The following NAP1L1 variants were observed in gnomAD, a reference collection of about 807,000 sequenced individuals.
NAP1L1 encodes nucleosome assembly protein 1-like 1.
NAP1L1 carries 9 observed loss-of-function variants against 58.9 expected under a neutral mutation model. The observed-to-expected ratio is 0.15, with a 90% confidence interval of 0.09 to 0.27. The LOEUF (loss-of-function observed/expected upper bound fraction) is 0.27. Ranked by LOEUF, NAP1L1 falls within the 10% of genes least tolerant of loss-of-function variation. The pLI is 1.00. For synonymous variants in NAP1L1, 130 were observed against 138.3 expected (o/e 0.94, Z 0.42); for missense variants, 302 against 458.8 (o/e 0.66, Z 3.12).
At chr12:76,070,989 G>T (rs985348854) in intron 2 of NAP1L1, among the ~76,000 whole-genome samples, 1 of 152,134 alleles carries the variant, frequency 6.6e-6, no homozygotes, top group Non-Finnish European at 1.5e-5. Context: ...GATTAACACA[G>T]TAAGAATTCT....
rs5799240 is a variant in NAP1L1, at chr12:76,070,122, CTT to C, written c.18-1130_18-1129del. 7.9e-3 allele frequency among the ~76,000 whole-genome samples: 1,153 copies of C among 146,274 alleles called. 82 individuals carry two copies. In the East Asian group the frequency reaches 0.18, roughly 23 times the overall value. ...AAATGATACATACAATTTCTGAAAG[CTT>C]TTTTTTTTTTGGGAGACAGTGTCTT... On this transcript the variant is annotated intron_variant, in intron 2 of 14. Transcript: ENST00000618691.
At position 76,041,352 on chromosome 12, in the gene NAP1L1, C is replaced by T. The variant is rs1047897320; in HGVS notation, c.*7077G>A. The T allele has an allele frequency of 6.6e-6, 1 of 152,116 alleles. No homozygotes were observed. The highest frequency in any genetic ancestry group is 2.4e-5 in the African/African-American group (1 of 41,408). 9.4% of individuals were successfully genotyped at this position (152,116 alleles called of 1,614,324 possible). The stretch of plus-strand genomic sequence containing the variant: ...ATTTTGAACTGGTTCAAAACCAGTT[C>T]AGATTTATAGAACCAAAGAGTAGGT... On this transcript the variant is annotated 3_prime_UTR_variant, in exon 15 of 15. Transcript: ENST00000618691.
At chr12:76,057,419 A>G (rs1592634422) in intron 6 of NAP1L1, 10 of 520,560 alleles carry the variant, frequency 1.9e-5, no homozygotes, top group Non-Finnish European at 3.5e-5. Context: ...AGGTATAAAA[A>G]TACAACTGAT....
At chr12:76,076,592 A>ATATATATATATATATATC (rs1565747788) in intron 1 of NAP1L1, among the ~76,000 whole-genome samples, 6 of 139,738 alleles carry the variant, frequency 4.3e-5, no homozygotes, top group Non-Finnish European at 9.3e-5. Context: ...ATATATATAT[A>ATATATATATATATATATC]TCTCCACTCA....
intron 1 of NAP1L1, among the ~76,000 whole-genome samples, chr12:76,075,011 G>C (rs996387136): frequency 6.6e-6 from 1 of 152,154 alleles, no homozygotes; most frequent in Non-Finnish European, 1.5e-5. Context: ...CTCACTAAAA[G>C]ATTAGTATGA....
At chr12:76,056,563 G>C (rs568880742) in intron 6 of NAP1L1, 128 of 450,960 alleles carry the variant, frequency 2.8e-4, no homozygotes, top group African/African-American at 2.4e-3. Flanking sequence ...TAGAGAGGTG[G>C]AACACTTAAC....
intron 1 of NAP1L1, among the ~76,000 whole-genome samples, chr12:76,080,872 G>A (rs1244591579): frequency 6.6e-6 from 1 of 152,092 alleles, no homozygotes. Context: ...ATCCATTCAT[G>A]GATTAATGTA....
At chr12:76,078,681 G>C (rs1340575579) in intron 1 of NAP1L1, among the ~76,000 whole-genome samples, 2 of 152,100 alleles carry the variant, frequency 1.3e-5, no homozygotes, top group Non-Finnish European at 2.9e-5. Context: ...AAACTAAATG[G>C]GCTGGCTTAA....
At chr12:76,057,733 G>T in intron 6 of NAP1L1, 1 of 1,547,978 alleles carries the variant, frequency 6.5e-7, no homozygotes. Flanking sequence ...AAATGAATAT[G>T]CAAAACTTAC....
chr12:76,045,839 A>G lies in NAP1L1; in HGVS notation c.*2590T>C, dbSNP rs1403628285. The G allele has an allele frequency of 6.6e-6, 1 of 152,076 alleles. No individual in the cohort carries two copies. The highest frequency in any genetic ancestry group is 2.4e-5 in the African/African-American group (1 of 41,446). 9.4% of individuals were successfully genotyped at this position (152,076 alleles called of 1,614,324 possible). On this transcript the variant is annotated 3_prime_UTR_variant, in exon 15 of 15. Transcript: ENST00000618691. ...ATAAGTGATTATATGATATTTCACCATTTCTAACAGGAAAAAATGAGACTT... is the reference window on the plus strand; with the variant it reads ...ATAAGTGATTATATGATATTTCACCGTTTCTAACAGGAAAAAATGAGACTT...
chr12:76,054,994 T>C (rs1949014789), intron 8 of NAP1L1, 25 bp downstream of exon 8: 1 of 1,539,388 alleles, frequency 6.5e-7, no homozygotes, highest in South Asian at 1.2e-5. Flanking sequence ...GTTACAAAAT[T>C]ATAAATATTT....
At chr12:76,055,780 G>A (rs940856821) in intron 7 of NAP1L1, among the ~76,000 whole-genome samples, 2 of 152,158 alleles carry the variant, frequency 1.3e-5, no homozygotes, top group Non-Finnish European at 2.9e-5. Context: ...AAAAGGCACA[G>A]GGTTATAAGA....
intron 1 of NAP1L1, among the ~76,000 whole-genome samples, chr12:76,079,684 ATTT>A (rs202002589): frequency 2.8e-5 from 4 of 140,682 alleles, no homozygotes; most frequent in African/African-American, 5.3e-5. Context: ...GCTTGAAGGC[ATTT>A]TTTTTTTTTT....
chr12:76,079,821 C>CT (rs1338866010), intron 1 of NAP1L1, among the ~76,000 whole-genome samples: 1 of 151,928 alleles, frequency 6.6e-6, no homozygotes, highest in Admixed American at 6.6e-5. Context: ...GTAGCTGGGA[C>CT]TACAGGTATG....
intron 6 of NAP1L1, chr12:76,057,684 T>A (rs1949181683): frequency 6.7e-7 from 1 of 1,488,122 alleles, no homozygotes; most frequent in African/African-American, 1.4e-5. Context: ...ATATGCCTGA[T>A]GTTGCTAAAT....
intron 6 of NAP1L1, chr12:76,058,196 T>C (rs1225133707): frequency 2.2e-4 from 2 of 9,214 alleles, no homozygotes; most frequent in Middle Eastern, 0.062. Context: ...GAGGCCTACA[T>C]ATATATATAT....
chr12:76,060,060 A>G, intron 5 of NAP1L1, 78 bp downstream of exon 5: 1 of 1,460,340 alleles, frequency 6.8e-7, no homozygotes, highest in Non-Finnish European at 9.4e-7. Flanking sequence ...CTAAAGATTA[A>G]CCTCTTCCAA....
chr12:76,083,029 A>G (rs1247559975), intron 1 of NAP1L1, among the ~76,000 whole-genome samples: 3 of 152,142 alleles, frequency 2.0e-5, no homozygotes, highest in African/African-American at 7.2e-5. Flanking sequence ...TTGTTTCAAA[A>G]CTGATCAGTG....
At position 76,059,847 on chromosome 12, in the gene NAP1L1, G is replaced by T; in HGVS notation, c.380C>A (p.Pro127His). The T allele has an allele frequency of 6.2e-7, 1 of 1,601,014 alleles. No individual in the cohort carries two copies. The highest frequency in any genetic ancestry group is 8.5e-7 in the Non-Finnish European group (1 of 1,175,904). ...TTTCCATTCACATTCTTCTTCCGTA[G>T]GTTCATAAATTGCATTAATAATTTC... ...RFEIINAIYE[P>H]TEEECEWKPD... Residue 127 changes from proline (P) to histidine (H), a missense_variant, in exon 6 of 15, where the codon CCT becomes CAT. Physicochemically the swap from Pro to His is moderately conservative, Grantham distance 77. Coordinates refer to ENST00000618691, the MANE Select transcript of NAP1L1 (RefSeq NM_004537.7).
Sources: allele counts gnomAD v4.1 joint callset (sites outside exome capture counted in the v4.1 genomes callset), GRCh38; gene constraint gnomAD v4.1.1; transcripts MANE v1.5; gene names NCBI Gene and HGNC (gene_info 2026-07-23, HGNC 2026-07-21).